The following MAPK8IP3 variants were observed in gnomAD, a reference collection of about 807,000 sequenced individuals.
MAPK8IP3 encodes C-Jun-amino-terminal kinase-interacting protein 3.
In MAPK8IP3, 49 loss-of-function variants were observed where a neutral mutation model predicts 157.8. The observed-to-expected ratio is 0.31, with a 90% CI of 0.25 to 0.39. MAPK8IP3 has a LOEUF of 0.39. MAPK8IP3 is among the 10% of genes least tolerant of loss of function. MAPK8IP3 has a pLI of 1.00. For missense variants in MAPK8IP3, 1,478 were observed against 1,889.4 expected, an observed-to-expected ratio of 0.78 and a Z score of 4.04; for synonymous variants, 897 against 777.7, an observed-to-expected ratio of 1.15 and a Z score of -2.55.
At chr16:1,758,185 C>T in intron 9 of MAPK8IP3, 26 bp downstream of exon 9, 1 of 1,613,296 alleles carries the variant, frequency 6.2e-7, no homozygotes, top group Non-Finnish European at 8.5e-7. Context: ...TCCTGTCTGT[C>T]TCCCCTCTGT....
rs1457941024 is a variant in MAPK8IP3 at position 1,709,697 on chromosome 16, G to A, written c.318+3040G>A. Among the ~76,000 whole-genome samples, 4 of 152,260 alleles carry A rather than the reference G, an allele frequency of 2.6e-5. No individual in the cohort carries two copies. The East Asian group carries it at 7.7e-4, about 29-fold the overall frequency. ...TGGGGGCTGGCAAGGAGCAGATGCTGCCTCCACACGCACCGTCCGGTGCAG... is the reference window on the plus strand; with the variant it reads ...TGGGGGCTGGCAAGGAGCAGATGCTACCTCCACACGCACCGTCCGGTGCAG... On this transcript the variant is annotated intron_variant, in intron 1 of 31. Transcript: ENST00000610761.
chr16:1,768,915 G>A lies in MAPK8IP3; in HGVS notation c.*91G>A, dbSNP rs547626668. 1.6e-4 allele frequency: 237 copies of A among 1,464,928 alleles called. No homozygotes were observed. The highest frequency in any genetic ancestry group is 6.0e-4 in the South Asian group (48 of 80,590). 90.7% of individuals were successfully genotyped at this position (1,464,928 alleles called of 1,614,324 possible). A position where few individuals can be genotyped will look rare whatever the true frequency, so the allele number is the denominator to read the frequency against. ...GCGGGGTAGCCAGCCAGGCGCCGCC[G>A]CCCCTCTTCTAACCTCTCAACCTGC... On this transcript the variant is annotated 3_prime_UTR_variant, in exon 32 of 32. Coordinates refer to ENST00000610761, the MANE Select transcript of MAPK8IP3 (RefSeq NM_001318852.2).
At chr16:1,749,399 G>A (rs897109950) in intron 8 of MAPK8IP3, among the ~76,000 whole-genome samples, 3 of 152,178 alleles carry the variant, frequency 2.0e-5, no homozygotes, top group Non-Finnish European at 2.9e-5. Flanking sequence ...CATTAGCCTC[G>A]CCGCACACCC....
chr16:1,740,407 C>T (rs975101418), intron 4 of MAPK8IP3, among the ~76,000 whole-genome samples: 5 of 151,020 alleles, frequency 3.3e-5, no homozygotes, highest in South Asian at 2.1e-4. Context: ...TCCGTGTGAG[C>T]GTGTGCACAC....
chr16:1,718,454 G>T (rs2038300309), intron 1 of MAPK8IP3, among the ~76,000 whole-genome samples: 1 of 151,962 alleles, frequency 6.6e-6, no homozygotes, highest in African/African-American at 2.4e-5. Flanking sequence ...AAAGTGCTGG[G>T]ATTACAGGCA....
At position 1,729,471 on chromosome 16, in the gene MAPK8IP3, G is replaced by A; in HGVS notation, c.511-16G>A. ...CCCCCACGGCAGCGCTAATGCAGGCGTTTCCCTCCTCGCAGATGATACAGA... is the reference window on the plus strand; with the variant it reads ...CCCCCACGGCAGCGCTAATGCAGGCATTTCCCTCCTCGCAGATGATACAGA... On this transcript the variant is annotated splice_polypyrimidine_tract_variant and intron_variant, in intron 3 of 31. Coordinates refer to ENST00000610761, the MANE Select transcript of MAPK8IP3 (RefSeq NM_001318852.2). 1.2e-6 allele frequency: 2 copies of A among 1,609,458 alleles called. No individual in the cohort carries two copies. The highest frequency in any genetic ancestry group is 8.5e-7 in the Non-Finnish European group (1 of 1,177,280).
intron 1 of MAPK8IP3, among the ~76,000 whole-genome samples, chr16:1,716,900 A>G (rs925564770): frequency 6.6e-6 from 1 of 152,024 alleles, no homozygotes; most frequent in African/African-American, 2.4e-5. Context: ...TTTACTAAAA[A>G]TAAAAAAAAT....
intron 1 of MAPK8IP3, among the ~76,000 whole-genome samples, chr16:1,722,023 G>GC (rs755836578): frequency 2.9e-4 from 44 of 152,248 alleles, no homozygotes; most frequent in Admixed American, 4.6e-4. Context: ...CCCCGCCTCG[G>GC]CCTCCCAGAG....
At chr16:1,736,637 AGCG>A (rs2039879085) in intron 4 of MAPK8IP3, among the ~76,000 whole-genome samples, 1 of 32,408 alleles carries the variant, frequency 3.1e-5, no homozygotes, top group African/African-American at 1.4e-4. Context: ...CGTCCGTGTG[AGCG>A]TGTGACCGTC....
chr16:1,753,522 G>C (rs1021979017), intron 8 of MAPK8IP3, among the ~76,000 whole-genome samples: 13 of 151,794 alleles, frequency 8.6e-5, no homozygotes, highest in Admixed American at 8.5e-4. Flanking sequence ...CTCACTGCAA[G>C]CTCCGCCTCC....
chr16:1,715,226 G>A (rs571118883), intron 1 of MAPK8IP3, among the ~76,000 whole-genome samples: 7 of 152,192 alleles, frequency 4.6e-5, no homozygotes, highest in South Asian at 2.1e-4. Context: ...TTGGAGTCCC[G>A]AGCTAGTGGC....
intron 1 of MAPK8IP3, among the ~76,000 whole-genome samples, chr16:1,722,988 A>G (rs371431223): frequency 8.1e-4 from 123 of 151,750 alleles, no homozygotes; most frequent in African/African-American, 2.9e-3. Flanking sequence ...GGCGTGAGCC[A>G]CCGTGCCTGG....
chr16:1,735,104 C>G (rs2039581944), intron 4 of MAPK8IP3: 1 of 152,468 alleles, frequency 6.6e-6, no homozygotes, highest in Non-Finnish European at 1.5e-5. Context: ...GGCCTCTTGT[C>G]AAAGCCAAGA....
intron 4 of MAPK8IP3, among the ~76,000 whole-genome samples, chr16:1,730,857 A>G (rs1465770319): frequency 2.0e-5 from 3 of 146,574 alleles, no homozygotes; most frequent in South Asian, 2.1e-4. Flanking sequence ...AAAAAAAAAA[A>G]GGGTAGGCAC....
At chr16:1,755,850 CAAAAAAA>C (rs59789858) in intron 8 of MAPK8IP3, among the ~76,000 whole-genome samples, 6 of 69,264 alleles carry the variant, frequency 8.7e-5, no homozygotes, top group African/African-American at 1.7e-4. Context: ...GAGTCTTTCT[CAAAAAAA>C]AAAAAAAAAA....
At position 1,768,194 on chromosome 16, in the gene MAPK8IP3, T is replaced by C. The variant is rs775336889; in HGVS notation, c.3563-5T>C. The stretch of plus-strand genomic sequence containing the variant: ...GCTCAGCGCCTCTGGGTTCTCTCCC[T>C]GCAGCCAATAAGACATCCCCCACCT... On this transcript the variant is annotated splice_region_variant and splice_polypyrimidine_tract_variant and intron_variant, in intron 29 of 31. Transcript: ENST00000610761. The C allele has an allele frequency of 1.9e-6, 3 of 1,611,930 alleles. No individual in the cohort carries two copies. The highest frequency in any genetic ancestry group is 1.7e-5 in the Admixed American group (1 of 59,980).
chr16:1,735,695 G>A (rs1019077130), intron 4 of MAPK8IP3, among the ~76,000 whole-genome samples: 1 of 143,582 alleles, frequency 7.0e-6, no homozygotes, highest in Non-Finnish European at 1.5e-5. Flanking sequence ...GAGCGTCTGT[G>A]TGCCTGTCCG....
chr16:1,765,485 T>C (rs1376264212), intron 20 of MAPK8IP3, among the ~76,000 whole-genome samples: 1 of 152,116 alleles, frequency 6.6e-6, no homozygotes, highest in African/African-American at 2.4e-5. Flanking sequence ...AGGAAAACAT[T>C]TCCTCATGCT....
chr16:1,747,434 T>G (rs954486880), intron 6 of MAPK8IP3, among the ~76,000 whole-genome samples, 159 bp downstream of exon 6: 9 of 152,058 alleles, frequency 5.9e-5, no homozygotes, highest in Admixed American at 3.3e-4. Context: ...GCTGGCAGGG[T>G]AGGTTCCTCC....
Sources: allele counts gnomAD v4.1 joint callset (sites outside exome capture counted in the v4.1 genomes callset), GRCh38; gene constraint gnomAD v4.1.1; transcripts MANE v1.5; gene names NCBI Gene and HGNC (gene_info 2026-07-23, HGNC 2026-07-21).